WASF3: variants seen among roughly 807,000 people sequenced by gnomAD.
WASF3 encodes the protein WASP family member 3, also known as actin-binding protein WASF3.
WASF3 carries 11 observed loss-of-function variants against 46.6 expected under a neutral mutation model. The ratio of observed to expected loss-of-function variants is 0.24; its 90% CI spans 0.15 to 0.39. The LOEUF (loss-of-function observed/expected upper bound fraction) is 0.39, where lower values mean the gene tolerates loss of function less well. WASF3 is among the 10% of genes least tolerant of loss of function. The pLI is 1.00. For missense variants in WASF3, 576 were observed against 669.8 expected, an observed-to-expected ratio of 0.86 and a Z score of 1.55; for synonymous variants, 242 against 259.7, an observed-to-expected ratio of 0.93 and a Z score of 0.65.
At chr13:26,604,932 G>C (rs926198321) in intron 1 of WASF3, among the ~76,000 whole-genome samples, 1 of 152,132 alleles carries the variant, frequency 6.6e-6, no homozygotes. Flanking sequence ...AAAACTTCTG[G>C]AATCCTGGTA....
At chr13:26,670,177 T>C (rs1450266224) in intron 5 of WASF3, among the ~76,000 whole-genome samples, 1 of 152,020 alleles carries the variant, frequency 6.6e-6, no homozygotes, top group African/African-American at 2.4e-5. Flanking sequence ...TATGCAGCCA[T>C]AAAAAAGAAT....
At chr13:26,605,246 T>C (rs1310794298) in intron 1 of WASF3, among the ~76,000 whole-genome samples, 2 of 152,248 alleles carry the variant, frequency 1.3e-5, no homozygotes, top group Non-Finnish European at 2.9e-5. Flanking sequence ...TTTACTTGGT[T>C]CTAGTCAGCA....
rs758928652 is a variant in WASF3, at chr13:26,642,376, G to A, written c.106G>A (p.Ala36Thr). ...LECVTNSTLA[A>T]IIRQLSSLSK... ...ATGTGTAACCAATAGTACTCTTGCC[G>A]CTATCATACGCCAGCTGAGCAGTCT... is the stretch of plus-strand genomic sequence containing the variant. Residue 36 changes from alanine to threonine, a missense_variant, in exon 3 of 10, where the codon GCT (alanine) becomes ACT (threonine). Around this residue, in one of 3 missense-constraint regions of WASF3, gnomAD observed 213 missense variants for 278.0 expected, o/e 0.77. Transcript: ENST00000335327. The A allele has an allele frequency of 6.2e-6, 10 of 1,606,372 alleles. No homozygotes were observed. Among genetic ancestry groups the A allele is most frequent in the Non-Finnish European group, 8.5e-6 (10 of 1,177,114 alleles).
intron 5 of WASF3, among the ~76,000 whole-genome samples, chr13:26,668,437 G>A (rs963528871): frequency 6.6e-6 from 1 of 152,154 alleles, no homozygotes; most frequent in African/African-American, 2.4e-5. Context: ...CCTCTGACAA[G>A]CACAGGCTGT....
At chr13:26,612,024 T>C (rs939814655) in intron 1 of WASF3, among the ~76,000 whole-genome samples, 1 of 152,164 alleles carries the variant, frequency 6.6e-6, no homozygotes, top group African/African-American at 2.4e-5. Context: ...TTTCCCAAGC[T>C]TGATGCCTCC....
At chr13:26,683,082 T>A (rs1883292509) in intron 9 of WASF3, 108 bp downstream of exon 9, 14 of 1,448,394 alleles carry the variant, frequency 9.7e-6, no homozygotes, top group Non-Finnish European at 1.3e-5. Context: ...CTACGTTTTT[T>A]AAAATAGAGT....
chr13:26,656,952 A>G (rs1023402929), intron 3 of WASF3, among the ~76,000 whole-genome samples: 21 of 152,180 alleles, frequency 1.4e-4, no homozygotes, highest in Non-Finnish European at 2.8e-4. Flanking sequence ...CCCAAACCTG[A>G]TACTCATTCC....
rs1344584476 is a variant in WASF3, at chr13:26,581,782, G to T, written c.-109+23963G>T. 3.3e-5 allele frequency among the ~76,000 whole-genome samples: 5 copies of T among 152,282 alleles called. No individual in the cohort carries two copies. In the East Asian group the frequency reaches 9.6e-4, roughly 29 times the overall value. On this transcript the variant is annotated intron_variant, in intron 1 of 9. Coordinates refer to ENST00000335327, the MANE Select transcript of WASF3 (RefSeq NM_006646.6). ...TTTGCTATAAACTAGGCTTTGATATGATCAGAATAGAAGGCATCATTTGGA... is the reference window on the plus strand; with the variant it reads ...TTTGCTATAAACTAGGCTTTGATATTATCAGAATAGAAGGCATCATTTGGA...
At chr13:26,580,626 CTT>C (rs5802384) in intron 1 of WASF3, among the ~76,000 whole-genome samples, 128 of 136,920 alleles carry the variant, frequency 9.3e-4, no homozygotes, top group Admixed American at 1.2e-3. Flanking sequence ...TTTTTTCTTT[CTT>C]TTTTTTTTTT....
In WASF3 at chr13:26,560,942, A is replaced by G. The variant is rs1442127145; in HGVS notation, c.-109+3123A>G. Among the ~76,000 whole-genome samples the G allele has an allele frequency of 6.6e-5, 10 of 152,298 alleles. No homozygotes were observed. The East Asian group carries it at 1.7e-3, about 26-fold the overall frequency. On this transcript the variant is annotated intron_variant, in intron 1 of 9. Transcript: ENST00000335327. Reference sequence around the variant, plus strand: ...TTAGGGACGTTCAGAGAGACAGGAAAGCCTCCCAGAGGAAGCACCATGAGA... The same window carrying G: ...TTAGGGACGTTCAGAGAGACAGGAAGGCCTCCCAGAGGAAGCACCATGAGA...
At chr13:26,628,226 AAAAC>A (rs1881533719) in intron 2 of WASF3, among the ~76,000 whole-genome samples, 1 of 152,212 alleles carries the variant, frequency 6.6e-6, no homozygotes, top group Non-Finnish European at 1.5e-5. Flanking sequence ...GTAAGAAAAC[AAAAC>A]AAACAAATGT....
chr13:26,654,359 T>C (rs573465999), intron 3 of WASF3, among the ~76,000 whole-genome samples: 2 of 152,366 alleles, frequency 1.3e-5, no homozygotes, highest in African/African-American at 4.8e-5. Context: ...AGAGGGCTTT[T>C]GTGACCACTG....
upstream of WASF3, among the ~76,000 whole-genome samples, chr13:26,554,487 G>T (rs1879057429): frequency 6.6e-6 from 1 of 152,148 alleles, no homozygotes; most frequent in South Asian, 2.1e-4. Flanking sequence ...TTTACCAATA[G>T]TTGAAGGACA....
At chr13:26,683,575 C>T (rs1283345838) in intron 9 of WASF3, among the ~76,000 whole-genome samples, 1 of 151,796 alleles carries the variant, frequency 6.6e-6, no homozygotes, top group Non-Finnish European at 1.5e-5. Flanking sequence ...CTCTTCTCTG[C>T]ATTCTGCTCT....
intron 1 of WASF3, among the ~76,000 whole-genome samples, chr13:26,569,864 G>A (rs1272513881): frequency 6.6e-6 from 1 of 152,170 alleles, no homozygotes; most frequent in Non-Finnish European, 1.5e-5. Context: ...ATGAAAAAGA[G>A]AACATCCTAA....
At chr13:26,680,457 C>T (rs916938403) in intron 7 of WASF3, among the ~76,000 whole-genome samples, 11 of 152,188 alleles carry the variant, frequency 7.2e-5, no homozygotes, top group East Asian at 1.9e-4. Context: ...CCTTTCCTTT[C>T]GGAGTTTCAC....
At chr13:26,678,404 ATTTCTCT>A (rs1396278495) in intron 7 of WASF3, among the ~76,000 whole-genome samples, 1 of 152,070 alleles carries the variant, frequency 6.6e-6, no homozygotes, top group Non-Finnish European at 1.5e-5. Flanking sequence ...ATTTTAGTGT[ATTTCTCT>A]TTAGTCTTTT....
chr13:26,609,884 A>G (rs1880917597), intron 1 of WASF3, among the ~76,000 whole-genome samples: 3 of 152,234 alleles, frequency 2.0e-5, no homozygotes, highest in Admixed American at 6.5e-5. Flanking sequence ...CAGTACAACT[A>G]TCTCAAGCCA....
Position 26,685,610 on chromosome 13 carries a change from A to G in WASF3, c.1352-78A>G, listed in dbSNP as rs562583980. 171 of 1,557,766 alleles carry G rather than the reference A, an allele frequency of 1.1e-4. No individual in the cohort carries two copies. In the East Asian group the frequency reaches 1.6e-3, roughly 15 times the overall value. On this transcript the variant is annotated intron_variant, in intron 9 of 9. Coordinates refer to ENST00000335327, the MANE Select transcript of WASF3 (RefSeq NM_006646.6). The stretch of plus-strand genomic sequence containing the variant: ...TAGTGTCAGTAGAAAAAAAAGTCCA[A>G]TAGACATATTTGTTCGTTTATCTTT...
Sources: allele counts gnomAD v4.1 joint callset (sites outside exome capture counted in the v4.1 genomes callset), GRCh38; gene constraint gnomAD v4.1.1; regional missense constraint gnomAD v4.1.1; transcripts MANE v1.5; gene names NCBI Gene and HGNC (gene_info 2026-07-23, HGNC 2026-07-21).